Variants in ALKBH7 observed in about 807,000 individuals in gnomAD.
ALKBH7 encodes alkB homolog 7, RNA demethylase.
ALKBH7 carries 21 observed loss-of-function variants against 19.3 expected under a neutral mutation model. That is an observed-to-expected ratio of 1.09 (90% CI 0.77 to 1.56). The LOEUF (loss-of-function observed/expected upper bound fraction) is 1.56, where lower values mean the gene tolerates loss of function less well. Among genes scored for constraint, ALKBH7 ranks in the 40% most tolerant of loss-of-function variants. The pLI is 0.00. For missense variants in ALKBH7, 354 were observed against 311.4 expected, an observed-to-expected ratio of 1.14 and a Z score of -1.03; for synonymous variants, 147 against 139.5, an observed-to-expected ratio of 1.05 and a Z score of -0.38.
intron 1 of ALKBH7, chr19:6,373,458 G>T: frequency 2.3e-6 from 1 of 430,364 alleles, no homozygotes; most frequent in African/African-American, 2.1e-5. Context: ...GTCGAGCGTG[G>T]GGGTGGGGCC....
At position 6,372,802 on chromosome 19, in the gene ALKBH7, A is replaced by T. The variant is rs1299788737; in HGVS notation, c.-19A>T. On this transcript the variant is annotated 5_prime_UTR_variant, in exon 1 of 4. An upstream start codon of the reference 5' UTR is lost. Transcript: ENST00000245812. ...GCGTTCCCCAACCCTGCCCTCTCTC[A>T]TGACCCCGCTCCGGGATTATGGCCG... 2.6e-6 allele frequency: 4 copies of T among 1,536,124 alleles called. No homozygotes were observed. Among genetic ancestry groups the T allele is most frequent in the African/African-American group, 1.4e-5 (1 of 73,012 alleles).
In ALKBH7 at chr19:6,372,805, A is replaced by G. The variant is rs748736961; in HGVS notation, c.-16A>G. The G allele has an allele frequency of 7.2e-6, 11 of 1,536,238 alleles. No individual in the cohort carries two copies. Among genetic ancestry groups the G allele is most frequent in the Admixed American group, 3.9e-5 (2 of 50,964 alleles). ...TTCCCCAACCCTGCCCTCTCTCATG[A>G]CCCCGCTCCGGGATTATGGCCGGGA... On this transcript the variant is annotated 5_prime_UTR_variant, in exon 1 of 4. Coordinates refer to ENST00000245812, the MANE Select transcript of ALKBH7 (RefSeq NM_032306.4).
rs1568325171 is a variant in ALKBH7 at position 6,372,941 on chromosome 19, AG to A, written c.122del (p.Ser41ThrfsTer8). On this transcript the variant is annotated frameshift_variant, in exon 1 of 4. Coordinates refer to ENST00000245812, the MANE Select transcript of ALKBH7 (RefSeq NM_032306.4). LOFTEE classifies it high-confidence loss of function. ...DAAVVRPGFL[S>X]TAEEETLSRE... ...GGCCGTGGTGCGGCCTGGCTTCCTG[AG>A]CACGGCAGAGGAGGAGACGCTGAGC... 6.4e-7 allele frequency: 1 copy of A among 1,570,336 alleles called. No individual in the cohort carries two copies. The highest frequency in any genetic ancestry group is 2.4e-5 in the East Asian group (1 of 42,416).
In ALKBH7 at chr19:6,372,828, G is replaced by T; in HGVS notation, c.8G>T (p.Gly3Val). The T allele has an allele frequency of 6.5e-7, 1 of 1,544,392 alleles. No homozygotes were observed. Among genetic ancestry groups the T allele is most frequent in the South Asian group, 1.2e-5 (1 of 84,360 alleles). The change falls in exon 1 of 4, where the codon GGG becomes GTG. Residue 3 changes from glycine to valine, a missense_variant. Transcript: ENST00000245812. MA[G>V]TGLLALRTLP... ...TGACCCCGCTCCGGGATTATGGCCG[G>T]GACTGGGCTGCTGGCGCTGCGGACG...
intron 1 of ALKBH7, 76 bp downstream of exon 1, chr19:6,373,100 G>A: frequency 6.7e-7 from 1 of 1,486,136 alleles, no homozygotes; most frequent in Non-Finnish European, 9.0e-7. Flanking sequence ...GCATCAGATG[G>A]GGCGGGGACA....
At position 6,373,223 on chromosome 19, in the gene ALKBH7, G is replaced by A. The variant is rs187655152; in HGVS notation, c.204+199G>A. 6.1e-3 allele frequency among the ~76,000 whole-genome samples: 924 copies of A among 150,886 alleles called. 4 individuals carry two copies. The highest frequency in any genetic ancestry group is 0.021 in the African/African-American group (869 of 40,924). On this transcript the variant is annotated intron_variant, in intron 1 of 3. Transcript: ENST00000245812. ...TACAGTACCGTTTAGCGTGGGGGCG[G>A]GGCTACGGTGCTGGGGTTGTGGGGC... is the stretch of plus-strand genomic sequence containing the variant.
At position 6,372,913 on chromosome 19, in the gene ALKBH7, CGCGGCCGTGGT is replaced by C; in HGVS notation, c.100_110del (p.Val34TrpfsTer131). 1.3e-6 allele frequency: 2 copies of C among 1,557,878 alleles called. No individual in the cohort carries two copies. The highest frequency in any genetic ancestry group is 1.7e-6 in the Non-Finnish European group (2 of 1,153,978). Reference sequence around the variant, plus strand: ...CTTCCGTGCTGAGCCGCCTGCAGGACGCGGCCGTGGTGCGGCCTGGCTTCCTGAGCACGGCA... The same window carrying C: ...CTTCCGTGCTGAGCCGCCTGCAGGACGCGGCCTGGCTTCCTGAGCACGGCA... On this transcript the variant is annotated frameshift_variant, in exon 1 of 4. Transcript: ENST00000245812. LOFTEE classifies it high-confidence loss of function.
Position 6,372,896 on chromosome 19 carries a change from C to T in ALKBH7, c.76C>T (p.Leu26=). Residue 26 remains leucine, a synonymous_variant, in exon 1 of 4, where the codon CTG becomes TTG. Coordinates refer to ENST00000245812, the MANE Select transcript of ALKBH7 (RefSeq NM_032306.4). ...GGTGCGAGGCTCGGGCCCTTCCGTG[C>T]TGAGCCGCCTGCAGGACGCGGCCGT... ...SWVRGSGPSV[L]SRLQDAAVVR... 1.3e-6 allele frequency: 2 copies of T among 1,552,658 alleles called. No individual in the cohort carries two copies. Among genetic ancestry groups the T allele is most frequent in the South Asian group, 1.2e-5 (1 of 84,544 alleles).
Position 6,372,829 on chromosome 19 carries a change from G to A in ALKBH7, c.9G>A (p.Gly3=). Residue 3 remains glycine, a synonymous_variant, in exon 1 of 4, where the codon GGG becomes GGA. Coordinates refer to ENST00000245812, the MANE Select transcript of ALKBH7 (RefSeq NM_032306.4). MA[G]TGLLALRTLP... Reference sequence around the variant, plus strand: ...GACCCCGCTCCGGGATTATGGCCGGGACTGGGCTGCTGGCGCTGCGGACGC... The same window carrying A: ...GACCCCGCTCCGGGATTATGGCCGGAACTGGGCTGCTGGCGCTGCGGACGC... 3 of 1,544,530 alleles carry A rather than the reference G, an allele frequency of 1.9e-6. No individual in the cohort carries two copies. Among genetic ancestry groups the A allele is most frequent in the East Asian group, 2.4e-5 (1 of 41,372 alleles).
At position 6,374,980 on chromosome 19, in the gene ALKBH7, G is replaced by A; in HGVS notation, c.*7G>A. 1 of 1,583,106 alleles carries A rather than the reference G, an allele frequency of 6.3e-7. No homozygotes were observed. On this transcript the variant is annotated 3_prime_UTR_variant, in exon 4 of 4. Transcript: ENST00000245812. ...GCCGCCCCCAGCCTGCTGACCCCCA[G>A]CTTTCTACAGACACCAGATTTGTGA...
Position 6,374,191 on chromosome 19 carries a change from C to T in ALKBH7, c.205-12C>T. ...CTGGGAGCTCCCAGGCTTAACCGAG[C>T]TCTCTGTGCAGGCCATCCACGGCTT... On this transcript the variant is annotated splice_polypyrimidine_tract_variant and intron_variant, in intron 1 of 3. Transcript: ENST00000245812. The T allele has an allele frequency of 1.9e-6, 3 of 1,607,908 alleles. No homozygotes were observed. The highest frequency in any genetic ancestry group is 3.5e-5 in the Admixed American group (2 of 57,624).
In ALKBH7 at chr19:6,374,232, G is replaced by A. The variant is rs1376286884; in HGVS notation, c.234G>A (p.Lys78=). The change falls in exon 2 of 4, where the codon AAG becomes AAA. Residue 78 remains lysine (K), a synonymous_variant. Coordinates refer to ENST00000245812, the MANE Select transcript of ALKBH7 (RefSeq NM_032306.4). The part of the protein sequence containing the change: ...AAIHGFRETE[K]SRWSEASRAI... ...TCCACGGCTTCCGAGAGACAGAGAA[G>A]TCGCGCTGGTCAGAAGCCAGCCGGG... 4 of 1,613,122 alleles carry A rather than the reference G, an allele frequency of 2.5e-6. No homozygotes were observed. The South Asian group carries it at 3.3e-5, about 13-fold the overall frequency.
intron 1 of ALKBH7, 85 bp from the exon 2 acceptor site, chr19:6,374,118 G>A: frequency 6.3e-7 from 1 of 1,583,054 alleles, no homozygotes; most frequent in South Asian, 1.1e-5. Context: ...AGGGAAACCA[G>A]CCCCTTGCCG....
At position 6,374,849 on chromosome 19, in the gene ALKBH7, G is replaced by C; in HGVS notation, c.542G>C (p.Arg181Pro). Residue 181 changes from arginine to proline, a missense_variant, in exon 4 of 4, where the codon CGG becomes CCG. Arg to Pro is a moderately radical substitution (Grantham distance 103). Coordinates refer to ENST00000245812, the MANE Select transcript of ALKBH7 (RefSeq NM_032306.4). The part of the protein sequence containing the change: ...ARYDFSHEIL[R>P]DEESFFGERR... The stretch of plus-strand genomic sequence containing the variant: ...TATGACTTCTCCCATGAGATCCTTC[G>C]GGATGAAGAGTCCTTCTTTGGGGAA... 2.5e-6 allele frequency: 4 copies of C among 1,614,032 alleles called. No individual in the cohort carries two copies. The highest frequency in any genetic ancestry group is 3.4e-6 in the Non-Finnish European group (4 of 1,179,962).
chr19:6,374,585 C>T lies in ALKBH7; in HGVS notation c.499C>T (p.Leu167Phe), dbSNP rs1356250067. The T allele has an allele frequency of 3.1e-6, 5 of 1,612,956 alleles. No individual in the cohort carries two copies. The highest frequency in any genetic ancestry group is 3.4e-6 in the Non-Finnish European group (4 of 1,179,972). Residue 167 changes from leucine to phenylalanine, a missense_variant, in exon 3 of 4, where the codon CTT (leucine) becomes TTT (phenylalanine). Transcript: ENST00000245812. ...GCTGGAGCCGGGCTCCCTCTACATC[C>T]TTAGGTACCTCCATCCAGGCAGCAC... ...LLLEPGSLYI[L>F]RGSARYDFSH...
Position 6,372,939 on chromosome 19 carries a change from TGAGCACGGCAGAGGAG to T in ALKBH7, c.123_138del (p.Ser41ArgfsTer3). The stretch of plus-strand genomic sequence containing the variant: ...GCGGCCGTGGTGCGGCCTGGCTTCC[TGAGCACGGCAGAGGAG>T]GAGACGCTGAGCCGAGAACTGGAGC... On this transcript the variant is annotated frameshift_variant, in exon 1 of 4. Transcript: ENST00000245812. LOFTEE classifies it high-confidence loss of function. 1 of 1,570,056 alleles carries T rather than the reference TGAGCACGGCAGAGGAG, an allele frequency of 6.4e-7. No homozygotes were observed. The highest frequency in any genetic ancestry group is 8.6e-7 in the Non-Finnish European group (1 of 1,160,586).
chr19:6,373,638 G>A (rs1350777140), intron 1 of ALKBH7: 47 of 1,240,166 alleles, frequency 3.8e-5, no homozygotes, highest in Non-Finnish European at 4.4e-5. Context: ...TTGGGGCCAT[G>A]CTGTGGGGGG....
chr19:6,373,916 G>A, intron 1 of ALKBH7: 1 of 985,216 alleles, frequency 1.0e-6, no homozygotes, highest in South Asian at 4.7e-5. Context: ...GATGTTGAGA[G>A]ACAGAGACAG....
At position 6,375,248 on chromosome 19, in the gene ALKBH7, C is replaced by T. The variant is rs1404988089; in HGVS notation, c.*275C>T. 16 of 1,394,044 alleles carry T rather than the reference C, an allele frequency of 1.1e-5. No individual in the cohort carries two copies. Among genetic ancestry groups the T allele is most frequent in the African/African-American group, 4.5e-5 (3 of 66,202 alleles). The allele number at this position is 1,394,044 out of a possible 1,614,324, so 86.4% of individuals were successfully genotyped here. On this transcript the variant is annotated 3_prime_UTR_variant, in exon 4 of 4. Coordinates refer to ENST00000245812, the MANE Select transcript of ALKBH7 (RefSeq NM_032306.4). Reference sequence around the variant, plus strand: ...CCAGGTCTCCAATAAATAAGTCAGCCGAGCTCCCCCAGCACTGCAGCTTCT... The same window carrying T: ...CCAGGTCTCCAATAAATAAGTCAGCTGAGCTCCCCCAGCACTGCAGCTTCT...
Sources: allele counts gnomAD v4.1 joint callset (sites outside exome capture counted in the v4.1 genomes callset), GRCh38; gene constraint gnomAD v4.1.1; transcripts MANE v1.5; gene names NCBI Gene and HGNC (gene_info 2026-07-23, HGNC 2026-07-21).